NCOA7: variants seen among roughly 807,000 people sequenced by gnomAD.
NCOA7 encodes the protein nuclear receptor coactivator 7, also known as 140 kDa estrogen receptor-associated protein.
In NCOA7, 45 loss-of-function variants were observed where a neutral mutation model predicts 104.3. The ratio of observed to expected loss-of-function variants is 0.43; its 90% confidence interval spans 0.34 to 0.55. NCOA7 has a LOEUF of 0.55. NCOA7 is among the 20% of genes least tolerant of loss of function. The pLI, the probability that NCOA7 is intolerant of heterozygous loss-of-function variation, is 0.02. For synonymous variants in NCOA7, 398 were observed against 402.3 expected (o/e 0.99, Z 0.13); for missense variants, 1,041 against 1,119.7 (o/e 0.93, Z 1.00).
chr6:125,822,986 G>A (rs1195124979), intron 2 of NCOA7, among the ~76,000 whole-genome samples: 2 of 90,098 alleles, frequency 2.2e-5, no homozygotes, highest in Middle Eastern at 5.8e-3. Flanking sequence ...ATCATAATGT[G>A]ATAAATAGAA....
chr6:125,816,474 T>G (rs1333496400), intron 2 of NCOA7, among the ~76,000 whole-genome samples: 1 of 152,140 alleles, frequency 6.6e-6, no homozygotes, highest in Non-Finnish European at 1.5e-5. Context: ...ATGCTCCAGT[T>G]AGGAATAGTA....
intron 2 of NCOA7, among the ~76,000 whole-genome samples, chr6:125,842,361 A>G (rs540800530): frequency 1.3e-5 from 2 of 152,180 alleles, no homozygotes; most frequent in Non-Finnish European, 2.9e-5. Flanking sequence ...TTTGACTAAA[A>G]TGTCTTCAAG....
At chr6:125,823,245 T>C (rs1778364720) in intron 2 of NCOA7, among the ~76,000 whole-genome samples, 1 of 152,188 alleles carries the variant, frequency 6.6e-6, no homozygotes, top group African/African-American at 2.4e-5. Context: ...GCCTATTCAA[T>C]AGTGGTTGGC....
At position 125,830,733 on chromosome 6, in the gene NCOA7, A is replaced by ATGTG. The variant is rs1491378471; in HGVS notation, c.50+15330_50+15331insGTGT. Among the ~76,000 whole-genome samples the ATGTG allele has an allele frequency of 2.2e-3, 241 of 111,802 alleles. 1 individual carries two copies. Among genetic ancestry groups the ATGTG allele is most frequent in the Admixed American group, 8.7e-3 (93 of 10,708 alleles). The allele number at this position is 111,802 out of a possible 152,430, so 73.3% of individuals were successfully genotyped here. ...CTCTCTATATATTTTATATATATAT[A>ATGTG]TATATGTGTGTGTGTGTGTGTGTGT... On this transcript the variant is annotated intron_variant, in intron 2 of 15. Transcript: ENST00000392477.
intron 1 of NCOA7, among the ~76,000 whole-genome samples, chr6:125,811,636 G>T (rs1051965053): frequency 1.3e-5 from 2 of 152,060 alleles, no homozygotes; most frequent in African/African-American, 4.8e-5. Context: ...GACGCCCAGG[G>T]GGTTCAAACC....
At chr6:125,885,058 C>T in intron 7 of NCOA7, 101 bp from the exon 8 acceptor site, 1 of 1,219,570 alleles carries the variant, frequency 8.2e-7, no homozygotes, top group Non-Finnish European at 1.2e-6. Flanking sequence ...CTGTGGTTCA[C>T]AAAGTCCATG....
At chr6:125,809,310 G>A (rs929390779) in intron 1 of NCOA7, among the ~76,000 whole-genome samples, 14 of 151,988 alleles carry the variant, frequency 9.2e-5, no homozygotes, top group East Asian at 5.8e-4. Flanking sequence ...AGCTACCTGC[G>A]TAGCTGGGAC....
At chr6:125,793,848 G>T (rs532257094) in intron 1 of NCOA7, among the ~76,000 whole-genome samples, 70 of 152,312 alleles carry the variant, frequency 4.6e-4, no homozygotes, top group African/African-American at 1.6e-3. Flanking sequence ...AAGAGTGATT[G>T]TTGTCTACTG....
chr6:125,854,012 C>T (rs920120240), intron 2 of NCOA7, among the ~76,000 whole-genome samples: 1 of 152,130 alleles, frequency 6.6e-6, no homozygotes, highest in Non-Finnish European at 1.5e-5. Flanking sequence ...CAAACAGGTC[C>T]TTATCCATTG....
chr6:125,869,207 C>G (rs576682651), intron 3 of NCOA7, among the ~76,000 whole-genome samples: 2 of 152,288 alleles, frequency 1.3e-5, no homozygotes, highest in East Asian at 3.9e-4. Context: ...CCCCAGGGGC[C>G]TGTGACAGGA....
At chr6:125,920,006 C>T (rs997281279) in intron 11 of NCOA7, among the ~76,000 whole-genome samples, 2 of 152,090 alleles carry the variant, frequency 1.3e-5, no homozygotes, top group African/African-American at 2.4e-5. Flanking sequence ...GGCCAAGAAG[C>T]CTAATATACA....
At chr6:125,864,575 T>C (rs1782295174) in intron 3 of NCOA7, among the ~76,000 whole-genome samples, 1 of 133,770 alleles carries the variant, frequency 7.5e-6, no homozygotes, top group South Asian at 2.3e-4. Flanking sequence ...AGGTGGGACC[T>C]TTAGGAAGTA....
At chr6:125,912,132 C>T (rs549779109) in intron 10 of NCOA7, among the ~76,000 whole-genome samples, 3 of 152,156 alleles carry the variant, frequency 2.0e-5, no homozygotes, top group Non-Finnish European at 2.9e-5. Context: ...GCTGTACAGG[C>T]GGGTCCACTA....
Position 125,881,771 on chromosome 6 carries a change from T to A in NCOA7, c.573+568T>A, listed in dbSNP as rs9491526. On this transcript the variant is annotated intron_variant, in intron 6 of 15. Transcript: ENST00000392477. Reference sequence around the variant, plus strand: ...TAGTTTATTTGTATTCCTCCTTTTTTTAAAAAAAAAAAACAAATTGAGTCA... The same window carrying A: ...TAGTTTATTTGTATTCCTCCTTTTTATAAAAAAAAAAAACAAATTGAGTCA... Among the ~76,000 whole-genome samples the A allele has an allele frequency of 4.7e-3, 719 of 151,460 alleles. 4 individuals are homozygous for A. Among genetic ancestry groups the A allele is most frequent in the African/African-American group, 0.013 (534 of 41,208 alleles).
chr6:125,811,394 T>C (rs766860448), intron 1 of NCOA7, among the ~76,000 whole-genome samples: 1 of 152,180 alleles, frequency 6.6e-6, no homozygotes, highest in Non-Finnish European at 1.5e-5. Flanking sequence ...CTTGAAGGAA[T>C]TTATGGTTGG....
intron 10 of NCOA7, among the ~76,000 whole-genome samples, chr6:125,905,295 C>T (rs1251494951): frequency 2.1e-5 from 3 of 139,736 alleles, no homozygotes; most frequent in East Asian, 2.1e-4. Flanking sequence ...TCACTCTTGT[C>T]GCCCAGGCTG....
chr6:125,838,738 CT>C (rs777272821), intron 2 of NCOA7, among the ~76,000 whole-genome samples: 17 of 152,180 alleles, frequency 1.1e-4, no homozygotes, highest in Non-Finnish European at 2.2e-4. Flanking sequence ...ACCACCTGTA[CT>C]TTTGTCCACC....
chr6:125,845,890 T>G (rs1056812019), intron 2 of NCOA7, among the ~76,000 whole-genome samples: 4 of 152,228 alleles, frequency 2.6e-5, no homozygotes, highest in African/African-American at 7.2e-5. Context: ...TTTTGCTTTT[T>G]TTGTTGTTGT....
intron 1 of NCOA7, among the ~76,000 whole-genome samples, chr6:125,804,674 G>C (rs1425905873): frequency 6.6e-6 from 1 of 151,954 alleles, no homozygotes; most frequent in Non-Finnish European, 1.5e-5. Context: ...AAAAATATTT[G>C]GTAGAAATGT....
Sources: allele counts gnomAD v4.1 joint callset (sites outside exome capture counted in the v4.1 genomes callset), GRCh38; gene constraint gnomAD v4.1.1; transcripts MANE v1.5; gene names NCBI Gene and HGNC (gene_info 2026-07-23, HGNC 2026-07-21).